The following SNRPN variants were observed in gnomAD, a reference collection of about 807,000 sequenced individuals.
The protein encoded by SNRPN is small nuclear ribonucleoprotein polypeptide N.
Under a neutral mutation model 25.2 loss-of-function variants are expected in SNRPN, and 7 were observed. The ratio of observed to expected loss-of-function variants is 0.28; its 90% CI spans 0.16 to 0.52. The LOEUF is 0.52. Ranked by LOEUF, SNRPN falls within the 20% of genes least tolerant of loss-of-function variation. The probability of loss-of-function intolerance (pLI) is 0.96; values close to 1 mark genes in which losing one functional copy is unlikely to be tolerated. For synonymous variants in SNRPN, 124 were observed against 110.6 expected (o/e 1.12, Z -0.76); for missense variants, 196 against 322.5 (o/e 0.61, Z 3.00).
chr15:24,881,689 T>C (rs17179666), intron 1 of SNRPN, among the ~76,000 whole-genome samples: 3,355 of 151,950 alleles, frequency 0.022, 64 homozygotes, highest in Non-Finnish European at 0.036. Context: ...AGCATAGGCC[T>C]GAGCATTTAA....
At chr15:24,845,910 C>T (rs1056996998) in intron 2 of SNRPN, among the ~76,000 whole-genome samples, 7 of 151,772 alleles carry the variant, frequency 4.6e-5, no homozygotes, top group Non-Finnish European at 7.4e-5. Flanking sequence ...CATGGTGAAA[C>T]CCTGTCTCTA....
rs1488829289 is a variant in SNRPN at position 24,923,876 on chromosome 15, C to CGTGTGTGTGT, written c.-391+3756_-391+3757insGTGTGTGTGT. On this transcript the variant is annotated intron_variant, in intron 3 of 11. Coordinates refer to the SNRPN transcript ENST00000400097. ...TTTAGGATTTGTTTCTTTTTAGTGC[C>CGTGTGTGTGT]GTGTATGTGTGTGTGTGTGTGTGTG... 5.3e-4 allele frequency among the ~76,000 whole-genome samples: 57 copies of CGTGTGTGTGT among 107,050 alleles called. 1 individual carries two copies. The highest frequency in any genetic ancestry group is 1.9e-3 in the African/African-American group (51 of 26,512). 70.2% of individuals were successfully genotyped at this position (107,050 alleles called of 152,430 possible).
intron 1 of SNRPN, among the ~76,000 whole-genome samples, chr15:24,958,346 T>G (rs1442212432): frequency 6.6e-6 from 1 of 151,676 alleles, no homozygotes; most frequent in African/African-American, 2.4e-5. Context: ...GACAATGAAG[T>G]TTTAAAAATC....
At position 24,929,476 on chromosome 15, in the gene SNRPN, A is replaced by G. The variant is rs111271585; in HGVS notation, c.-391+9352A>G. On this transcript the variant is annotated intron_variant, in intron 3 of 11. Coordinates refer to the SNRPN transcript ENST00000400097. The surrounding 1 kb of genome is among the most constrained non-coding windows in gnomAD (Gnocchi z 5.3). ...AATGTAAGCAGGCTTCTGCAGTGAA[A>G]GGGGCCAGGTCTAGGAAGATGGGGA... 8.0e-3 allele frequency among the ~76,000 whole-genome samples: 1,218 copies of G among 152,274 alleles called. 5 individuals carry two copies. The highest frequency in any genetic ancestry group is 0.044 in the Middle Eastern group (13 of 294).
chr15:24,848,240 G>GGGCGGC (rs1566821426), intron 2 of SNRPN: 2 of 116,600 alleles, frequency 1.7e-5, no homozygotes, highest in African/African-American at 3.1e-5. Flanking sequence ...GTGGGGGCGG[G>GGGCGGC]GGCGGCGGCG....
At chr15:24,858,611 A>G (rs2053661315) in intron 1 of SNRPN, among the ~76,000 whole-genome samples, 1 of 151,916 alleles carries the variant, frequency 6.6e-6, no homozygotes, top group African/African-American at 2.4e-5. Context: ...CCTGGACAAC[A>G]TGGTGAAACC....
chr15:24,975,430 A>G lies in SNRPN; in HGVS notation c.76A>G (p.Ile26Val). 6.2e-7 allele frequency: 1 copy of G among 1,613,362 alleles called. No individual in the cohort carries two copies. Among genetic ancestry groups the G allele is most frequent in the Non-Finnish European group, 8.5e-7 (1 of 1,179,300 alleles). ...GAGATGTATCCTGCAAGATGGCCGA[A>G]TCTTCATTGGCACCTTTAAGGCTTT... ...RMRCILQDGR[I>V]FIGTFKAFDK... The change falls in exon 5 of 10, where the codon ATC becomes GTC. Residue 26 changes from isoleucine (I) to valine (V), a missense_variant. Coordinates refer to ENST00000390687, the MANE Select transcript of SNRPN (RefSeq NM_003097.6).
chr15:24,853,190 A>C (rs1180170373), upstream of SNRPN, among the ~76,000 whole-genome samples: 1 of 152,156 alleles, frequency 6.6e-6, no homozygotes, highest in Non-Finnish European at 1.5e-5. Context: ...TTAAGAACCA[A>C]TGTTAAACAT....
intron 3 of SNRPN, among the ~76,000 whole-genome samples, chr15:24,923,416 C>T (rs1307877035): frequency 1.3e-5 from 2 of 152,186 alleles, no homozygotes; most frequent in African/African-American, 4.8e-5. Context: ...TGGTAAACTA[C>T]CTGCTATTAC....
intron 2 of SNRPN, among the ~76,000 whole-genome samples, chr15:24,903,830 C>G (rs979205843): frequency 6.6e-6 from 1 of 151,976 alleles, no homozygotes; most frequent in African/African-American, 2.4e-5. Flanking sequence ...TCCAGGAGTT[C>G]GAGACCAGCT....
At chr15:24,824,394 G>A (rs1470218154) in intron 1 of SNRPN, among the ~76,000 whole-genome samples, 1 of 151,996 alleles carries the variant, frequency 6.6e-6, no homozygotes, top group African/African-American at 2.4e-5. Flanking sequence ...ATAGACATTG[G>A]CTTGCATATT....
At chr15:24,845,134 T>A (rs1331424493) in intron 2 of SNRPN, among the ~76,000 whole-genome samples, 1 of 152,200 alleles carries the variant, frequency 6.6e-6, no homozygotes, top group Non-Finnish European at 1.5e-5. Flanking sequence ...CAACCATATA[T>A]GTATATGCTA....
At chr15:24,909,140 T>C in intron 2 of SNRPN, 1 of 1,358,106 alleles carries the variant, frequency 7.4e-7, no homozygotes, top group Non-Finnish European at 1.1e-6. Flanking sequence ...TACCCTGTTC[T>C]TTATGTATTG....
chr15:24,885,467 T>A (rs2057107385), intron 1 of SNRPN, among the ~76,000 whole-genome samples: 1 of 152,272 alleles, frequency 6.6e-6, no homozygotes, highest in Non-Finnish European at 1.5e-5. Context: ...CTCATTTTTC[T>A]ACATAGACTT....
At chr15:24,873,637 CG>C (rs2055472269) in intron 1 of SNRPN, among the ~76,000 whole-genome samples, 2 of 151,892 alleles carry the variant, frequency 1.3e-5, no homozygotes, top group African/African-American at 4.8e-5. Flanking sequence ...TTAGTAGAGA[CG>C]GGGTTTCACC....
intron 8 of SNRPN, 84 bp from the exon 9 acceptor site, chr15:24,978,109 A>T: frequency 7.0e-7 from 1 of 1,428,964 alleles, no homozygotes; most frequent in Non-Finnish European, 9.7e-7. Context: ...TGTCTGGCCC[A>T]TTTCTTTAGG....
intron 3 of SNRPN, among the ~76,000 whole-genome samples, chr15:24,972,747 A>G (rs184095990): frequency 4.6e-5 from 7 of 152,170 alleles, no homozygotes; most frequent in African/African-American, 1.4e-4. Flanking sequence ...TTTTATAAAT[A>G]ATGGAGAAAA....
At chr15:24,851,974 T>C (rs527578858), upstream of SNRPN, 3 of 152,356 alleles carry the variant, frequency 2.0e-5, no homozygotes, top group East Asian at 1.9e-4. Flanking sequence ...CTATCACATA[T>C]GACTTTTACA....
At position 24,884,612 on chromosome 15, in the gene SNRPN, T is replaced by G. The variant is rs772351949; in HGVS notation, c.-578-1904T>G. 2.6e-5 allele frequency among the ~76,000 whole-genome samples: 4 copies of G among 152,306 alleles called. No homozygotes were observed. In the Middle Eastern group the frequency reaches 0.01, roughly 389 times the overall value. ...TCGGATAATTTGGTGTGGATAGCTT[T>G]CTTTTGGATTCTTTTAAATTTTGTT... On this transcript the variant is annotated intron_variant, in intron 1 of 11. Transcript: ENST00000400097.
Sources: gnomAD v4.1 joint callset for allele counts (sites outside exome capture counted in the v4.1 genomes callset) on GRCh38, gnomAD v4.1.1 for gene constraint, Gnocchi (gnomAD v3.1) non-coding constraint, MANE v1.5 for transcripts, NCBI Gene and HGNC (gene_info 2026-07-23, HGNC 2026-07-21) for gene names.